EYS: variants seen among roughly 807,000 people sequenced by gnomAD.
EYS encodes the protein protein eyes shut homolog.
In EYS, 250 loss-of-function variants were observed where a neutral mutation model predicts 282.1. That is an observed-to-expected ratio of 0.89 (90% CI 0.80 to 0.98). The LOEUF (loss-of-function observed/expected upper bound fraction) is 0.98, where lower values mean the gene tolerates loss of function less well. EYS is among the 50% of genes least tolerant of loss of function. The probability of loss-of-function intolerance (pLI) is 0.00; values close to 1 mark genes in which losing one functional copy is unlikely to be tolerated. For synonymous variants in EYS, 1,355 were observed against 1,282.9 expected, an observed-to-expected ratio of 1.06 and a Z score of -1.20; for missense variants, 4,016 against 3,709.0, an observed-to-expected ratio of 1.08 and a Z score of -2.15.
chr6:64,984,528 GTAAAAATTAAAAAAGGAAGTTCAA>G (rs923013272), intron 14 of EYS, among the ~76,000 whole-genome samples: 1 of 151,300 alleles, frequency 6.6e-6, no homozygotes, highest in Non-Finnish European at 1.5e-5. Context: ...AAATAATTAT[GTAAAAATTAAAAAAGGAAGTTCAA>G]TGCTCTGTAA....
At chr6:64,648,691 TAAAA>T (rs1562111453) in intron 22 of EYS, among the ~76,000 whole-genome samples, 4 of 152,038 alleles carry the variant, frequency 2.6e-5, no homozygotes, top group African/African-American at 9.7e-5. Context: ...GTAAAGGTCA[TAAAA>T]GAAAGATAGA....
At chr6:64,073,470 C>A (rs1401967637) in intron 32 of EYS, among the ~76,000 whole-genome samples, 3 of 151,720 alleles carry the variant, frequency 2.0e-5, no homozygotes, top group Non-Finnish European at 4.4e-5. Flanking sequence ...TAAACACATT[C>A]AGGAGGAACT....
chr6:63,727,826 T>C (rs1768678088), intron 41 of EYS, among the ~76,000 whole-genome samples: 1 of 27,820 alleles, frequency 3.6e-5, no homozygotes. Context: ...CAGTTGAGCT[T>C]GGGAGGTGGA....
intron 35 of EYS, among the ~76,000 whole-genome samples, chr6:63,959,932 G>A (rs1044669440): frequency 4.0e-5 from 6 of 151,594 alleles, no homozygotes; most frequent in Non-Finnish European, 7.4e-5. Flanking sequence ...CCTAGATGAC[G>A]AATTGATAGG....
chr6:63,862,939 C>T (rs890059322), intron 36 of EYS, among the ~76,000 whole-genome samples: 8 of 152,192 alleles, frequency 5.3e-5, no homozygotes, highest in Non-Finnish European at 1.0e-4. Context: ...TTCAAAGACC[C>T]ATGTATCCGA....
At chr6:64,473,998 G>A (rs553811932) in intron 26 of EYS, among the ~76,000 whole-genome samples, 1 of 152,048 alleles carries the variant, frequency 6.6e-6, no homozygotes, top group Non-Finnish European at 1.5e-5. Flanking sequence ...CCTTAATTAT[G>A]CTCATTAATT....
intron 29 of EYS, among the ~76,000 whole-genome samples, chr6:64,342,328 A>C (rs1582626357): frequency 6.6e-6 from 1 of 151,862 alleles, no homozygotes; most frequent in Admixed American, 6.6e-5. Context: ...AGGTCGGGTT[A>C]CCCACAAAGG....
chr6:63,943,392 G>T (rs1399902718), intron 35 of EYS, among the ~76,000 whole-genome samples: 1 of 152,146 alleles, frequency 6.6e-6, no homozygotes, highest in Non-Finnish European at 1.5e-5. Context: ...AAAATGCCTA[G>T]TGAGGTAGTT....
chr6:65,188,183 C>T (rs953648330), intron 12 of EYS, among the ~76,000 whole-genome samples: 28 of 151,688 alleles, frequency 1.8e-4, no homozygotes, highest in African/African-American at 6.5e-4. Flanking sequence ...ACAAGTTTCT[C>T]AATTCACATT....
rs540521552 is a variant in EYS, at chr6:64,757,832, A to T, written c.3443+55546T>A. On this transcript the variant is annotated intron_variant, in intron 22 of 42. Transcript: ENST00000503581. ...CGGAGTCTCGCTCTGTCGCCCAGGCAGAAGTGCACTGGCGCGATCTCGGCT... is the reference window on the plus strand; with the variant it reads ...CGGAGTCTCGCTCTGTCGCCCAGGCTGAAGTGCACTGGCGCGATCTCGGCT... Among the ~76,000 whole-genome samples the T allele has an allele frequency of 2.0e-5, 3 of 151,642 alleles. No homozygotes were observed. The East Asian group carries it at 5.9e-4, about 30-fold the overall frequency.
intron 2 of EYS, among the ~76,000 whole-genome samples, chr6:65,543,080 G>A (rs996234997): frequency 2.0e-5 from 3 of 152,194 alleles, no homozygotes; most frequent in Admixed American, 1.3e-4. Context: ...GAGAAGTGGC[G>A]TGATCTCGGC....
intron 13 of EYS, among the ~76,000 whole-genome samples, chr6:65,045,922 T>C (rs1773087631): frequency 6.6e-6 from 1 of 151,930 alleles, no homozygotes; most frequent in Non-Finnish European, 1.5e-5. Context: ...ACCCTTTTGT[T>C]ATTAACAACC....
chr6:64,387,147 T>A (rs1369154967), intron 29 of EYS, among the ~76,000 whole-genome samples: 2 of 152,100 alleles, frequency 1.3e-5, no homozygotes, highest in African/African-American at 2.4e-5. Flanking sequence ...CACCTCCCCA[T>A]CCCTCAGACC....
intron 26 of EYS, among the ~76,000 whole-genome samples, chr6:64,446,975 A>AAG (rs1561999573): frequency 6.5e-5 from 8 of 123,548 alleles, no homozygotes; most frequent in African/African-American, 2.2e-4. Context: ...TGTATAATGT[A>AAG]TGTGTGTGTG....
At chr6:65,035,508 AC>A in intron 13 of EYS, among the ~76,000 whole-genome samples, 1 of 152,236 alleles carries the variant, frequency 6.6e-6, no homozygotes, top group East Asian at 1.9e-4. Context: ...AAATCAATGT[AC>A]AAAAATCACT....
At chr6:65,233,673 G>T (rs1766848203) in intron 12 of EYS, among the ~76,000 whole-genome samples, 1 of 152,172 alleles carries the variant, frequency 6.6e-6, no homozygotes, top group South Asian at 2.1e-4. Context: ...TTTAAAGGGT[G>T]CAGCCTTGTT....
At chr6:64,621,230 TATAAC>T (rs1244459122) in intron 23 of EYS, among the ~76,000 whole-genome samples, 2 of 152,210 alleles carry the variant, frequency 1.3e-5, no homozygotes, top group African/African-American at 4.8e-5. Flanking sequence ...ATTACCATTC[TATAAC>T]ATAAGTTATA....
At chr6:63,830,258 T>C (rs565138949) in intron 36 of EYS, among the ~76,000 whole-genome samples, 1 of 152,134 alleles carries the variant, frequency 6.6e-6, no homozygotes, top group South Asian at 2.1e-4. Flanking sequence ...CGATTGCTAT[T>C]TACAGACTCC....
intron 26 of EYS, among the ~76,000 whole-genome samples, chr6:64,463,937 A>T (rs1184231162): frequency 6.6e-6 from 1 of 152,214 alleles, no homozygotes; most frequent in Admixed American, 6.5e-5. Flanking sequence ...TCATTGCGTG[A>T]AGCTAGCATT....
Sources: gnomAD v4.1 joint callset for allele counts (sites outside exome capture counted in the v4.1 genomes callset) on GRCh38, gnomAD v4.1.1 for gene constraint, MANE v1.5 for transcripts, NCBI Gene and HGNC (gene_info 2026-07-23, HGNC 2026-07-21) for gene names.